Variants in TEX11 observed in about 807,000 individuals in gnomAD.
The protein encoded by TEX11 is testis expressed 11, also known as testis-expressed protein 11.
A neutral mutation model predicts 84.4 loss-of-function variants in TEX11; 7 were observed. The ratio of observed to expected loss-of-function variants is 0.08; its 90% CI spans 0.05 to 0.16. The LOEUF (loss-of-function observed/expected upper bound fraction) is 0.16. TEX11 is among the 10% of genes least tolerant of loss of function. TEX11 has a pLI of 1.00. For missense variants in TEX11, 551 were observed against 660.5 expected, an observed-to-expected ratio of 0.83 and a Z score of 1.82; for synonymous variants, 264 against 222.8, an observed-to-expected ratio of 1.18 and a Z score of -1.64.
chrX:70,520,793 G>T, the TEX11 span, among the ~76,000 whole-genome samples: 1 of 112,058 alleles, frequency 8.9e-6, no homozygotes, highest in African/African-American at 3.2e-5. Flanking sequence ...GGGCTCCACC[G>T]AGTTCGAGCT....
chrX:70,845,832 G>A (rs1236639105), intron 7 of TEX11, among the ~76,000 whole-genome samples: 2 of 110,724 alleles, frequency 1.8e-5, no homozygotes, highest in Non-Finnish European at 3.8e-5. Flanking sequence ...CATCACACAC[G>A]CACACACAAA....
At chrX:70,757,737 C>T (rs763788619) in intron 9 of TEX11, among the ~76,000 whole-genome samples, 1 of 111,639 alleles carries the variant, frequency 9.0e-6, no homozygotes, top group South Asian at 3.8e-4. Context: ...AACCAGCTAA[C>T]ATCATAATGA....
At chrX:70,685,947 T>C (rs778542992) in intron 13 of TEX11, among the ~76,000 whole-genome samples, 7 of 111,872 alleles carry the variant, frequency 6.3e-5, no homozygotes, top group African/African-American at 2.3e-4. Context: ...AAATTTAAAT[T>C]CTTTGTAAAT....
At chrX:70,782,132 C>T (rs1396449476) in intron 9 of TEX11, among the ~76,000 whole-genome samples, 2 of 112,038 alleles carry the variant, frequency 1.8e-5, no homozygotes, top group Non-Finnish European at 3.8e-5. Context: ...GGCACAAACC[C>T]TATAAGCCCG....
intron 16 of TEX11, among the ~76,000 whole-genome samples, chrX:70,662,313 G>GA (rs2147624500): frequency 9.0e-6 from 1 of 111,302 alleles, no homozygotes; most frequent in African/African-American, 3.3e-5. Flanking sequence ...GAAGTTTAGA[G>GA]AAAAAAGAAT....
intron 15 of TEX11, 77 bp from the exon 16 acceptor site, chrX:70,670,591 T>C (rs1319755814): frequency 1.0e-5 from 11 of 1,066,697 alleles, no homozygotes; most frequent in Non-Finnish European, 1.2e-5. Context: ...TAGAAACAAA[T>C]AAAAGATGCT....
intron 9 of TEX11, among the ~76,000 whole-genome samples, chrX:70,779,549 A>G (rs1569438569): frequency 2.7e-5 from 3 of 111,594 alleles, no homozygotes; most frequent in African/African-American, 6.5e-5. Flanking sequence ...GAAAAAAAAT[A>G]AAGATCAGAG....
intron 16 of TEX11, among the ~76,000 whole-genome samples, chrX:70,655,603 G>T (rs2089857241): frequency 9.0e-6 from 1 of 111,151 alleles, no homozygotes; most frequent in Non-Finnish European, 1.9e-5. Flanking sequence ...CCTAAAAACT[G>T]CAGAAAACAC....
chrX:70,714,806 T>G (rs776394495), intron 13 of TEX11, among the ~76,000 whole-genome samples: 3 of 111,893 alleles, frequency 2.7e-5, no homozygotes, highest in African/African-American at 9.7e-5. Context: ...AAGGTTAATA[T>G]TGTTATATGT....
intron 9 of TEX11, among the ~76,000 whole-genome samples, chrX:70,787,166 A>C: frequency 8.9e-6 from 1 of 112,004 alleles, no homozygotes; most frequent in Non-Finnish European, 1.9e-5. Context: ...GACAAAATTC[A>C]ACATTTTTTC....
chrX:70,759,357 C>A (rs375917780), intron 9 of TEX11, among the ~76,000 whole-genome samples: 1 of 111,390 alleles, frequency 9.0e-6, no homozygotes, highest in Non-Finnish European at 1.9e-5. Context: ...AACATCGATG[C>A]GAAAATCCTC....
At chrX:70,779,402 G>A (rs1379481847) in intron 9 of TEX11, among the ~76,000 whole-genome samples, 1 of 87,275 alleles carries the variant, frequency 1.1e-5, no homozygotes, top group African/African-American at 4.5e-5. Context: ...GCAACAGAGT[G>A]AGACCCCGTC....
chrX:70,799,514 C>A (rs924514839), intron 9 of TEX11, among the ~76,000 whole-genome samples: 33 of 111,906 alleles, frequency 2.9e-4, no homozygotes, highest in African/African-American at 1.1e-3. Flanking sequence ...CATTCTTTGG[C>A]CCTCCAGAAA....
intron 28 of TEX11, among the ~76,000 whole-genome samples, chrX:70,536,142 T>A (rs1009950168): frequency 3.6e-5 from 4 of 111,685 alleles, no homozygotes; most frequent in African/African-American, 1.3e-4. Flanking sequence ...GGCAAAAAAA[T>A]AATACTATCA....
chrX:70,627,374 T>C (rs1348057875), intron 18 of TEX11, among the ~76,000 whole-genome samples: 1 of 111,795 alleles, frequency 8.9e-6, no homozygotes, highest in Admixed American at 9.5e-5. Context: ...GTTGACAAAG[T>C]GAGTGAGAAA....
At chrX:70,570,598 A>G (rs2088581357) in intron 25 of TEX11, among the ~76,000 whole-genome samples, 1 of 112,393 alleles carries the variant, frequency 8.9e-6, no homozygotes, top group Non-Finnish European at 1.9e-5. Flanking sequence ...GGAATAATGT[A>G]CTGGTAAAGC....
intron 9 of TEX11, among the ~76,000 whole-genome samples, chrX:70,756,601 C>T (rs2090869562): frequency 8.9e-6 from 1 of 111,735 alleles, no homozygotes; most frequent in African/African-American, 3.3e-5. Context: ...TACGCCAAAA[C>T]CCCATCTGTA....
Position 70,744,226 on chromosome X carries a change from T to A in TEX11, c.693-7A>T. ...CCCAATATCATAGCTTTGGCTATCA[T>A]TAAAAAGGAAAAAAAATATATATAT... On this transcript the variant is annotated splice_polypyrimidine_tract_variant and splice_region_variant and intron_variant, in intron 9 of 29. Coordinates refer to ENST00000374333, the MANE Select transcript of TEX11 (RefSeq NM_031276.3). 1.2e-6 allele frequency: 1 copy of A among 833,855 alleles called. No individual in the cohort carries two copies. 68.7% of individuals were successfully genotyped at this position (833,855 alleles called of 1,213,427 possible).
chrX:70,553,389 G>C lies in TEX11; in HGVS notation c.2316C>G (p.His772Gln). The stretch of plus-strand genomic sequence containing the variant: ...AGGCCTTGAGAGCAATCAAAGGATA[G>C]TGTGCAGGCTTTTCCATTGCTATTA... The part of the protein sequence containing the change: ...IAIIAMEKPA[H>Q]YPLIALKALK... Residue 772 changes from histidine (H) to glutamine (Q), a missense_variant, in exon 27 of 30, where the codon CAC becomes CAG. His to Gln is a conservative substitution (Grantham distance 24). Transcript: ENST00000374333. 1.7e-6 allele frequency: 2 copies of C among 1,206,060 alleles called. No individual in the cohort carries two copies. The highest frequency in any genetic ancestry group is 2.2e-6 in the Non-Finnish European group (2 of 892,068).
Sources: allele counts gnomAD v4.1 joint callset (sites outside exome capture counted in the v4.1 genomes callset), GRCh38; gene constraint gnomAD v4.1.1; transcripts MANE v1.5; gene names NCBI Gene and HGNC (gene_info 2026-07-23, HGNC 2026-07-21).